Variants in CNTN5 observed in about 807,000 individuals in gnomAD.
The protein encoded by CNTN5 is contactin 5, also known as contactin-5.
A neutral mutation model predicts 129.1 loss-of-function variants in CNTN5; 77 were observed. That is an observed-to-expected ratio of 0.60 (90% CI 0.50 to 0.72). The LOEUF is 0.72. Among genes scored for constraint, CNTN5 ranks in the 30% least tolerant of loss-of-function variants. The probability of loss-of-function intolerance (pLI) is 0.00; values close to 1 mark genes in which losing one functional copy is unlikely to be tolerated. For synonymous variants in CNTN5, 509 were observed against 465.6 expected (o/e 1.09, Z -1.20); for missense variants, 1,478 against 1,328.8 (o/e 1.11, Z -1.75).
At chr11:100,234,797 A>T (rs1024282683) in intron 16 of CNTN5, among the ~76,000 whole-genome samples, 5 of 147,550 alleles carry the variant, frequency 3.4e-5, no homozygotes, top group Admixed American at 6.7e-5. Flanking sequence ...GAATTTAAAA[A>T]AAAAAAAAAA....
At chr11:100,077,658 C>CA (rs1944186183) in intron 13 of CNTN5, among the ~76,000 whole-genome samples, 1 of 151,500 alleles carries the variant, frequency 6.6e-6, no homozygotes, top group Admixed American at 6.6e-5. Context: ...CCTATCTCTA[C>CA]AAAAAATAAA....
intron 8 of CNTN5, among the ~76,000 whole-genome samples, chr11:100,001,347 C>T (rs1011315894): frequency 6.6e-6 from 1 of 152,150 alleles, no homozygotes; most frequent in Non-Finnish European, 1.5e-5. Context: ...AATCTACCTC[C>T]ATGATCCAGT....
chr11:100,197,903 G>A (rs1948686839), intron 15 of CNTN5, among the ~76,000 whole-genome samples: 1 of 151,864 alleles, frequency 6.6e-6, no homozygotes, highest in Non-Finnish European at 1.5e-5. Flanking sequence ...GTGCTATATA[G>A]CTGTATGGTC....
chr11:99,668,127 T>TTTCTAGTTGAATGTTATTGCCAC (rs1354717156), intron 3 of CNTN5, among the ~76,000 whole-genome samples: 6 of 152,148 alleles, frequency 3.9e-5, no homozygotes, highest in Admixed American at 3.3e-4. Flanking sequence ...ATACTTGTCA[T>TTTCTAGTTGAATGTTATTGCCAC]TTCTAGTTGA....
intron 7 of CNTN5, among the ~76,000 whole-genome samples, chr11:99,941,090 C>T (rs1001809300): frequency 2.6e-5 from 4 of 152,106 alleles, no homozygotes; most frequent in Non-Finnish European, 4.4e-5. Context: ...TTCTCTCCCA[C>T]TTCCAACATT....
intron 2 of CNTN5, among the ~76,000 whole-genome samples, chr11:99,375,619 T>C (rs925256482): frequency 6.6e-5 from 10 of 152,198 alleles, no homozygotes; most frequent in Non-Finnish European, 1.5e-4. Context: ...ATTACAAATT[T>C]ACAAAATTAC....
chr11:99,790,163 T>C (rs1237805241), intron 3 of CNTN5, among the ~76,000 whole-genome samples: 2 of 152,098 alleles, frequency 1.3e-5, no homozygotes, highest in Non-Finnish European at 2.9e-5. Flanking sequence ...ATGGTGTACA[T>C]GTGCCACATT....
At chr11:99,417,777 A>G (rs1290673442) in intron 2 of CNTN5, among the ~76,000 whole-genome samples, 1 of 152,170 alleles carries the variant, frequency 6.6e-6, no homozygotes. Context: ...ATAAACACAA[A>G]TTATAAATCA....
rs184638887 is a variant in CNTN5 at position 99,581,892 on chromosome 11, C to T, written c.55+25623C>T. 7.1e-3 allele frequency among the ~76,000 whole-genome samples: 1,079 copies of T among 152,164 alleles called. 11 individuals are homozygous for T. The highest frequency in any genetic ancestry group is 0.024 in the African/African-American group (998 of 41,508). ...TATGATGTTAGCTGGTTATTTTGCT[C>T]GTTAGTTGATGCAGTTGCTTCCTAG... On this transcript the variant is annotated intron_variant, in intron 3 of 24. Transcript: ENST00000524871.
intron 6 of CNTN5, among the ~76,000 whole-genome samples, chr11:99,888,895 C>T (rs945431962): frequency 6.6e-6 from 1 of 152,142 alleles, no homozygotes; most frequent in African/African-American, 2.4e-5. Flanking sequence ...TACATTATGT[C>T]ATTTACTAAA....
At chr11:99,572,054 C>T (rs1469283818) in intron 3 of CNTN5, among the ~76,000 whole-genome samples, 2 of 152,148 alleles carry the variant, frequency 1.3e-5, no homozygotes, top group African/African-American at 4.8e-5. Context: ...GAAATCTCAT[C>T]TCAAAAAGAC....
At chr11:99,291,283 G>T (rs1864159927) in intron 1 of CNTN5, among the ~76,000 whole-genome samples, 1 of 151,694 alleles carries the variant, frequency 6.6e-6, no homozygotes, top group Admixed American at 6.6e-5. Flanking sequence ...GTTTTCAAAG[G>T]CAACTTCTTA....
At position 99,280,037 on chromosome 11, in the gene CNTN5, GTTTTC is replaced by G. The variant is rs1297068351; in HGVS notation, c.-209-45305_-209-45301del. 2.0e-4 allele frequency among the ~76,000 whole-genome samples: 30 copies of G among 151,696 alleles called. No homozygotes were observed. In the East Asian group the frequency reaches 5.4e-3, roughly 28 times the overall value. On this transcript the variant is annotated intron_variant, in intron 1 of 24. Transcript: ENST00000524871. ...TCAGGATATTTTTAAAGGTAATATA[GTTTTC>G]TTTAATTATAAGAGAAATAGTTTAA...
chr11:99,813,265 C>T (rs920534074), intron 3 of CNTN5, among the ~76,000 whole-genome samples: 1 of 152,086 alleles, frequency 6.6e-6, no homozygotes, highest in African/African-American at 2.4e-5. Flanking sequence ...GAGCATCACT[C>T]AATATTTCTA....
chr11:99,582,467 T>G lies in CNTN5; in HGVS notation c.55+26198T>G, dbSNP rs538642243. Among the ~76,000 whole-genome samples, 46 of 152,310 alleles carry G rather than the reference T, an allele frequency of 3.0e-4. 1 individual carries two copies. In the South Asian group the frequency reaches 6.6e-3, roughly 22 times the overall value. On this transcript the variant is annotated intron_variant, in intron 3 of 24. Coordinates refer to ENST00000524871, the MANE Select transcript of CNTN5 (RefSeq NM_014361.4). ...CCCCGTCACTTTCAGGTACACCAAT[T>G]AGACATAGATTTTGTCTTTTCACAT...
chr11:99,348,643 A>G (rs1394912991), intron 2 of CNTN5, among the ~76,000 whole-genome samples: 1 of 152,202 alleles, frequency 6.6e-6, no homozygotes, highest in Non-Finnish European at 1.5e-5. Context: ...CTTCAGATCC[A>G]TCTACCACCA....
intron 10 of CNTN5, among the ~76,000 whole-genome samples, chr11:100,062,959 C>A (rs1352761460): frequency 6.6e-6 from 1 of 152,132 alleles, no homozygotes; most frequent in South Asian, 2.1e-4. Flanking sequence ...TGAAGTATTA[C>A]CATCCCTCTG....
intron 16 of CNTN5, among the ~76,000 whole-genome samples, chr11:100,238,919 AT>A (rs1241341403): frequency 1.3e-5 from 2 of 152,210 alleles, no homozygotes; most frequent in Non-Finnish European, 2.9e-5. Flanking sequence ...GATAGAGTAC[AT>A]TTTGACTACC....
intron 2 of CNTN5, among the ~76,000 whole-genome samples, chr11:99,442,329 C>T (rs1159315984): frequency 6.6e-6 from 1 of 152,020 alleles, no homozygotes; most frequent in Non-Finnish European, 1.5e-5. Context: ...GCCACCATGC[C>T]CAGCTAATTT....
Sources: gnomAD v4.1 joint callset for allele counts (sites outside exome capture counted in the v4.1 genomes callset) on GRCh38, gnomAD v4.1.1 for gene constraint, MANE v1.5 for transcripts, NCBI Gene and HGNC (gene_info 2026-07-23, HGNC 2026-07-21) for gene names.